FRYL: variants seen among roughly 807,000 people sequenced by gnomAD.
FRYL encodes the protein protein furry homolog-like.
In FRYL, 150 loss-of-function variants were observed where a neutral mutation model predicts 351.2. That is an observed-to-expected ratio of 0.43 (90% CI 0.37 to 0.49). The LOEUF is 0.49. FRYL is among the 20% of genes least tolerant of loss of function. The probability of loss-of-function intolerance (pLI) is 0.00; values close to 1 mark genes in which losing one functional copy is unlikely to be tolerated. For synonymous variants in FRYL, 1,153 were observed against 1,257.1 expected (o/e 0.92, Z 1.75); for missense variants, 3,036 against 3,619.3 (o/e 0.84, Z 4.13).
chr4:48,690,127 G>C (rs191155673), intron 2 of FRYL, among the ~76,000 whole-genome samples: 4 of 150,980 alleles, frequency 2.6e-5, no homozygotes, highest in South Asian at 2.1e-4. Flanking sequence ...GGATGATCTC[G>C]ATCTCCTGAC....
chr4:48,769,263 AACTTCT>A (rs1264356813), intron 1 of FRYL, among the ~76,000 whole-genome samples: 1 of 152,266 alleles, frequency 6.6e-6, no homozygotes, highest in Non-Finnish European at 1.5e-5. Context: ...ACTGGCAAAG[AACTTCT>A]ATCTAGAATA....
In FRYL at chr4:48,719,444, G is replaced by T. The variant is rs1269597541; in HGVS notation, c.-383-8746C>A. 2.6e-5 allele frequency among the ~76,000 whole-genome samples: 4 copies of T among 151,566 alleles called. 1 individual carries two copies. Among genetic ancestry groups the T allele is most frequent in the Non-Finnish European group, 5.9e-5 (4 of 67,886 alleles). Reference sequence around the variant, plus strand: ...ATAAAATGAGAATAACACCTTCAAGGCTGCTATATAAAGATGACAAACCAT... The same window carrying T: ...ATAAAATGAGAATAACACCTTCAAGTCTGCTATATAAAGATGACAAACCAT... On this transcript the variant is annotated intron_variant, in intron 1 of 63. Transcript: ENST00000358350.
intron 4 of FRYL, among the ~76,000 whole-genome samples, chr4:48,633,608 T>G (rs1753678265): frequency 6.6e-6 from 1 of 152,236 alleles, no homozygotes; most frequent in African/African-American, 2.4e-5. Flanking sequence ...TCATCTTTAC[T>G]AACACTCCAG....
intron 3 of FRYL, among the ~76,000 whole-genome samples, chr4:48,678,034 G>A (rs987987796): frequency 6.6e-6 from 1 of 152,126 alleles, no homozygotes; most frequent in African/African-American, 2.4e-5. Flanking sequence ...GTGTACATTG[G>A]TATGAACCGT....
In FRYL at chr4:48,557,120, T is replaced by C. The variant is rs1308277786; in HGVS notation, c.4126-2A>G. 2 of 1,575,708 alleles carry C rather than the reference T, an allele frequency of 1.3e-6. No individual in the cohort carries two copies. The highest frequency in any genetic ancestry group is 1.7e-6 in the Non-Finnish European group (2 of 1,155,804). ...CGACCAGGCCAGTTCATCGCCATAC[T>C]AGATGCAATATGCACAAAAGATACT... On this transcript the variant is annotated splice_acceptor_variant, in intron 34 of 63. Transcript: ENST00000358350. LOFTEE classifies it high-confidence loss of function.
intron 2 of FRYL, among the ~76,000 whole-genome samples, chr4:48,691,844 T>C (rs1198881876): frequency 6.6e-6 from 1 of 152,312 alleles, no homozygotes; most frequent in East Asian, 1.9e-4. Flanking sequence ...AATCATATTG[T>C]ACAATATCTA....
intron 21 of FRYL, 93 bp from the exon 22 acceptor site, chr4:48,581,044 A>ACT: frequency 2.0e-6 from 1 of 505,088 alleles, no homozygotes; most frequent in South Asian, 3.0e-5. Flanking sequence ...CTTCAGCACT[A>ACT]TTTTTTTTTT....
chr4:48,557,865 C>T (rs766693556), intron 33 of FRYL, among the ~76,000 whole-genome samples, 153 bp from the exon 34 acceptor site: 6 of 152,186 alleles, frequency 3.9e-5, no homozygotes, highest in Non-Finnish European at 7.3e-5. Flanking sequence ...GCAAATTTCA[C>T]CTCAACGACA....
intron 55 of FRYL, among the ~76,000 whole-genome samples, chr4:48,518,285 T>A (rs1360874613): frequency 1.3e-5 from 2 of 152,156 alleles, no homozygotes; most frequent in Non-Finnish European, 2.9e-5. Context: ...CTAAATTCCA[T>A]CAGTTCTCTC....
intron 16 of FRYL, among the ~76,000 whole-genome samples, chr4:48,593,063 T>C (rs947535933): frequency 3.3e-5 from 5 of 152,170 alleles, no homozygotes; most frequent in Admixed American, 6.5e-5. Context: ...TAGAGTTTAC[T>C]AGTGAATAAT....
chr4:48,533,223 A>C (rs1389646940), intron 49 of FRYL, among the ~76,000 whole-genome samples: 1 of 152,050 alleles, frequency 6.6e-6, no homozygotes, highest in Non-Finnish European at 1.5e-5. Context: ...AGTGAATTCA[A>C]TGTGGTATAT....
chr4:48,751,838 ATT>A (rs11413230), intron 1 of FRYL, among the ~76,000 whole-genome samples: 2 of 145,512 alleles, frequency 1.4e-5, no homozygotes. Flanking sequence ...AAGAGATTCA[ATT>A]TTTTTTTTTT....
At chr4:48,505,203 TTATC>T (rs1425975120) in intron 60 of FRYL, among the ~76,000 whole-genome samples, 2 of 152,176 alleles carry the variant, frequency 1.3e-5, no homozygotes, top group African/African-American at 2.4e-5. Context: ...CTTGACCAAT[TTATC>T]TAACAGAATA....
intron 3 of FRYL, among the ~76,000 whole-genome samples, chr4:48,659,283 G>A (rs1759935927): frequency 1.3e-5 from 2 of 151,138 alleles, no homozygotes; most frequent in South Asian, 4.2e-4. Flanking sequence ...CCCCGGAGGC[G>A]GAGGTTGCAG....
chr4:48,772,679 C>CAAAAA (rs33926702), intron 1 of FRYL, among the ~76,000 whole-genome samples: 5 of 50,286 alleles, frequency 9.9e-5, no homozygotes, highest in African/African-American at 1.3e-4. Flanking sequence ...AGAGACCTAC[C>CAAAAA]AAAAAAAAAA....
intron 48 of FRYL, 115 bp downstream of exon 48, chr4:48,535,542 G>T: frequency 2.0e-6 from 1 of 488,596 alleles, no homozygotes; most frequent in Non-Finnish European, 3.3e-6. Flanking sequence ...TTGATAAGGT[G>T]CCACAGAGTA....
intron 50 of FRYL, among the ~76,000 whole-genome samples, chr4:48,529,261 C>T (rs1726987231): frequency 6.6e-6 from 1 of 152,218 alleles, no homozygotes; most frequent in South Asian, 2.1e-4. Flanking sequence ...ACCATGCTGA[C>T]TGTAAACTGT....
At position 48,582,612 on chromosome 4, in the gene FRYL, C is replaced by T. The variant is rs748145139; in HGVS notation, c.1871G>A (p.Arg624His). ...TGTGGGATGGACATCAGTCACTTCA[C>T]GAACAATAAAATAAACAAATCCTGA... ...VLSGFVYFIV[R>H]EVTDVHPTLL... Residue 624 changes from arginine (R) to histidine (H), a missense_variant, in exon 20 of 64, where the codon CGT becomes CAT. Physicochemically the swap from Arg to His is conservative, Grantham distance 29. Transcript: ENST00000358350. 9.9e-6 allele frequency: 16 copies of T among 1,613,572 alleles called. No individual in the cohort carries two copies. The highest frequency in any genetic ancestry group is 2.2e-5 in the South Asian group (2 of 91,056).
intron 2 of FRYL, among the ~76,000 whole-genome samples, chr4:48,692,522 A>T (rs566338363): frequency 6.6e-6 from 1 of 152,184 alleles, no homozygotes; most frequent in South Asian, 2.1e-4. Context: ...CCTCCTGAGT[A>T]GCTGGGGCTA....
Sources: gnomAD v4.1 joint callset for allele counts (sites outside exome capture counted in the v4.1 genomes callset) on GRCh38, gnomAD v4.1.1 for gene constraint, MANE v1.5 for transcripts, NCBI Gene and HGNC (gene_info 2026-07-23, HGNC 2026-07-21) for gene names.